Variants in CYP2C19 observed in about 807,000 individuals in gnomAD.
The protein encoded by CYP2C19 is cytochrome P450 family 2 subfamily C member 19, also known as cytochrome P450 2C19.
Under a neutral mutation model 40.9 loss-of-function variants are expected in CYP2C19, and 59 were observed. The ratio of observed to expected loss-of-function variants is 1.44; its 90% CI spans 1.17 to 1.79. The LOEUF is 1.79. CYP2C19 is among the 40% of genes most tolerant of loss of function. The pLI, the probability that CYP2C19 is intolerant of heterozygous loss-of-function variation, is 0.00. For missense variants in CYP2C19, 754 were observed against 596.9 expected, an observed-to-expected ratio of 1.26 and a Z score of -2.74; for synonymous variants, 253 against 208.7, an observed-to-expected ratio of 1.21 and a Z score of -1.83.
chr10:94,784,020 T>TA (rs1188757393), intron 5 of CYP2C19, among the ~76,000 whole-genome samples: 1 of 152,202 alleles, frequency 6.6e-6, no homozygotes, highest in African/African-American at 2.4e-5. Context: ...AAAATGTTTT[T>TA]ATCACGCCAC....
At position 94,853,795 on chromosome 10, in the gene CYP2C19, C is replaced by T. The variant is rs1053788073; in HGVS notation, c.*881C>T. On this transcript the variant is annotated 3_prime_UTR_variant, in exon 9 of 9. Transcript: ENST00000371321. ...TCTGCTGACCTCCTGATCTGCCTGC[C>T]TCAGCCTCCCAAAGTGCTGGGATTA... 6.6e-6 allele frequency among the ~76,000 whole-genome samples: 1 copy of T among 152,060 alleles called. No homozygotes were observed. Among genetic ancestry groups the T allele is most frequent in the Non-Finnish European group, 1.5e-5 (1 of 68,004 alleles).
chr10:94,846,085 C>T (rs1018562437), intron 7 of CYP2C19, among the ~76,000 whole-genome samples: 1 of 151,986 alleles, frequency 6.6e-6, no homozygotes. Context: ...TTTAAAATTT[C>T]CCAATTCTTA....
At chr10:94,829,265 A>G (rs894853784) in intron 6 of CYP2C19, among the ~76,000 whole-genome samples, 4 of 152,158 alleles carry the variant, frequency 2.6e-5, no homozygotes, top group Admixed American at 2.6e-4. Flanking sequence ...GTGTTTTCCA[A>G]CTTGTTTCCA....
intron 7 of CYP2C19, among the ~76,000 whole-genome samples, chr10:94,848,029 C>T (rs1334896039): frequency 6.6e-6 from 1 of 152,092 alleles, no homozygotes; most frequent in Non-Finnish European, 1.5e-5. Flanking sequence ...CTGTAGGTTG[C>T]CTATTCACTC....
chr10:94,849,779 T>C, intron 7 of CYP2C19, 138 bp from the exon 8 acceptor site: 2 of 1,073,612 alleles, frequency 1.9e-6, no homozygotes, highest in South Asian at 2.7e-5. Flanking sequence ...CGTCTATCTG[T>C]CTGGAAATGG....
chr10:94,809,218 C>A (rs192469460), intron 5 of CYP2C19, among the ~76,000 whole-genome samples: 1 of 152,204 alleles, frequency 6.6e-6, no homozygotes, highest in African/African-American at 2.4e-5. Flanking sequence ...TGTCTGTTTT[C>A]CATTTGTATG....
chr10:94,814,991 G>C (rs928515398), intron 5 of CYP2C19, among the ~76,000 whole-genome samples: 3 of 138,510 alleles, frequency 2.2e-5, no homozygotes, highest in African/African-American at 8.3e-5. Context: ...ATCTGTTTCT[G>C]AGGGTGAGGT....
intron 8 of CYP2C19, among the ~76,000 whole-genome samples, chr10:94,850,795 C>A (rs77915808): frequency 6.6e-6 from 1 of 152,230 alleles, no homozygotes; most frequent in East Asian, 1.9e-4. Flanking sequence ...AAACCTTTGC[C>A]AAATAACCAT....
At chr10:94,818,283 G>T (rs1280421653) in intron 5 of CYP2C19, among the ~76,000 whole-genome samples, 2 of 148,342 alleles carry the variant, frequency 1.3e-5, no homozygotes, top group East Asian at 2.0e-4. Flanking sequence ...TGCTGTTTTG[G>T]TTACTGTAGC....
chr10:94,775,165 G>C lies in CYP2C19; in HGVS notation c.276G>C (p.Glu92Asp), dbSNP rs17878459. 45,568 of 1,614,098 alleles carry C rather than the reference G, an allele frequency of 0.028. 763 individuals carry two copies. The highest frequency in any genetic ancestry group is 0.033 in the Non-Finnish European group (38,893 of 1,180,016). Residue 92 changes from glutamate to aspartate, a missense_variant, in exon 2 of 9, where the codon GAG becomes GAC. Glu to Asp is a conservative substitution (Grantham distance 45). Coordinates refer to ENST00000371321, the MANE Select transcript of CYP2C19 (RefSeq NM_000769.4). Reference sequence around the variant, plus strand: ...AGGAAGCCCTGATTGATCTTGGAGAGGAGTTTTCTGGAAGAGGCCATTTCC... The same window carrying C: ...AGGAAGCCCTGATTGATCTTGGAGACGAGTTTTCTGGAAGAGGCCATTTCC... ...VVKEALIDLG[E>D]EFSGRGHFPL...
chr10:94,827,933 T>G (rs1455578342), intron 6 of CYP2C19, among the ~76,000 whole-genome samples: 1 of 151,916 alleles, frequency 6.6e-6, no homozygotes, highest in Non-Finnish European at 1.5e-5. Flanking sequence ...CCAGTAGTCA[T>G]TCAGGAGCAG....
chr10:94,843,419 T>A (rs1429791809), intron 7 of CYP2C19, among the ~76,000 whole-genome samples: 1 of 152,234 alleles, frequency 6.6e-6, no homozygotes, highest in Non-Finnish European at 1.5e-5. Flanking sequence ...GTGAATATAA[T>A]TATGCTTCCA....
In CYP2C19 at chr10:94,817,618, C is replaced by T. The variant is rs962136868; in HGVS notation, c.820-2878C>T. On this transcript the variant is annotated intron_variant, in intron 5 of 8. Transcript: ENST00000371321. ...ATTTGTCAATTTTGTCTTTTGTTGC[C>T]ATTGCTTTTGGTGTTTTGGACATGA... is the stretch of plus-strand genomic sequence containing the variant. Among the ~76,000 whole-genome samples the T allele has an allele frequency of 1.6e-4, 23 of 145,600 alleles. 1 individual carries two copies. In the South Asian group the frequency reaches 3.9e-3, roughly 25 times the overall value.
rs976099387 is a variant in CYP2C19 at position 94,784,551 on chromosome 10, C to T, written c.819+2554C>T. ...CTGTTTCTCCACATAGTTGCTAATACTTGTAATTTTCTGTGTTTATTAAAG... is the reference window on the plus strand; with the variant it reads ...CTGTTTCTCCACATAGTTGCTAATATTTGTAATTTTCTGTGTTTATTAAAG... On this transcript the variant is annotated intron_variant, in intron 5 of 8. Coordinates refer to ENST00000371321, the MANE Select transcript of CYP2C19 (RefSeq NM_000769.4). Among the ~76,000 whole-genome samples, 3 of 151,968 alleles carry T rather than the reference C, an allele frequency of 2.0e-5. No homozygotes were observed. In the South Asian group the frequency reaches 6.2e-4, roughly 32 times the overall value.
chr10:94,770,828 A>T (rs1212474497), intron 1 of CYP2C19, among the ~76,000 whole-genome samples: 1 of 152,136 alleles, frequency 6.6e-6, no homozygotes, highest in Non-Finnish European at 1.5e-5. Flanking sequence ...TTATGACTAC[A>T]GTCCCCATGA....
chr10:94,823,948 A>T (rs1849170132), intron 6 of CYP2C19, among the ~76,000 whole-genome samples: 2 of 152,186 alleles, frequency 1.3e-5, no homozygotes. Context: ...AACCTGGTGG[A>T]TAATTCAGAA....
chr10:94,844,369 C>T (rs1283847565), intron 7 of CYP2C19, among the ~76,000 whole-genome samples: 1 of 152,068 alleles, frequency 6.6e-6, no homozygotes. Context: ...ATAATGTGAA[C>T]CCAGTCGAAA....
chr10:94,803,047 A>G (rs1208961212), intron 5 of CYP2C19, among the ~76,000 whole-genome samples: 1 of 151,946 alleles, frequency 6.6e-6, no homozygotes, highest in African/African-American at 2.4e-5. Context: ...TGAATATTTT[A>G]TCTGTCATTT....
At chr10:94,818,994 G>A (rs1461792112) in intron 5 of CYP2C19, among the ~76,000 whole-genome samples, 7 of 150,216 alleles carry the variant, frequency 4.7e-5, no homozygotes, top group Non-Finnish European at 1.0e-4. Flanking sequence ...TGGAAGTAAA[G>A]CTCTCCTCAG....
Sources: allele counts gnomAD v4.1 joint callset (sites outside exome capture counted in the v4.1 genomes callset), GRCh38; gene constraint gnomAD v4.1.1; transcripts MANE v1.5; gene names NCBI Gene and HGNC (gene_info 2026-07-23, HGNC 2026-07-21).